Variants in TTC28 observed in about 807,000 individuals in gnomAD.
TTC28 encodes the protein tetratricopeptide repeat domain 28, also known as tetratricopeptide repeat protein 28.
TTC28 carries 61 observed loss-of-function variants against 198.0 expected under a neutral mutation model. That is an observed-to-expected ratio of 0.31 (90% confidence interval 0.25 to 0.38). The LOEUF is 0.38. Among genes scored for constraint, TTC28 ranks in the 10% least tolerant of loss-of-function variants. The pLI is 1.00. For missense variants in TTC28, 2,678 were observed against 3,164.0 expected (o/e 0.85, Z 3.69); for synonymous variants, 1,171 against 1,297.8 (o/e 0.90, Z 2.10).
At chr22:28,671,927 C>T (rs139080074) in intron 1 of TTC28, among the ~76,000 whole-genome samples, 20 of 152,018 alleles carry the variant, frequency 1.3e-4, no homozygotes, top group African/African-American at 4.6e-4. Flanking sequence ...CTGCCCACCT[C>T]GGCCTCCCAA....
chr22:28,031,956 T>C (rs1341407712), intron 12 of TTC28, among the ~76,000 whole-genome samples: 1 of 151,766 alleles, frequency 6.6e-6, no homozygotes, highest in Non-Finnish European at 1.5e-5. Context: ...GTCACCAACC[T>C]AAGGCATCAA....
In TTC28 at chr22:27,982,461, A is replaced by AT; in HGVS notation, c.7205dup (p.Asn2402LysfsTer2). 6.4e-7 allele frequency: 1 copy of AT among 1,551,172 alleles called. No homozygotes were observed. The highest frequency in any genetic ancestry group is 2.4e-5 in the East Asian group (1 of 40,878). ...GCTTATCCACTCCCTCCTCCTTCTT[A>AT]TTGTGCCGTGGTGACAAATTCAACA... On this transcript the variant is annotated frameshift_variant, in exon 23 of 23. Transcript: ENST00000397906. LOFTEE classifies it low-confidence loss of function (END_TRUNC). The surrounding 1 kb of genome is among the most constrained non-coding windows in gnomAD (Gnocchi z 5.2).
chr22:28,233,712 T>C (rs1354399866), intron 5 of TTC28, among the ~76,000 whole-genome samples: 1 of 152,090 alleles, frequency 6.6e-6, no homozygotes, highest in Non-Finnish European at 1.5e-5. Context: ...TAAATGACAA[T>C]GGAAGAATTT....
chr22:28,137,052 G>C (rs1943215846), intron 6 of TTC28, among the ~76,000 whole-genome samples: 1 of 152,210 alleles, frequency 6.6e-6, no homozygotes. Context: ...CTCTTAACCA[G>C]TATTCTCATG....
chr22:28,300,397 T>C (rs1421028984), intron 3 of TTC28, among the ~76,000 whole-genome samples: 1 of 152,130 alleles, frequency 6.6e-6, no homozygotes, highest in Admixed American at 6.6e-5. Context: ...TCTAAAATTC[T>C]ACAACAATGG....
intron 2 of TTC28, among the ~76,000 whole-genome samples, chr22:28,559,358 A>G (rs977031237): frequency 3.9e-5 from 6 of 152,214 alleles, no homozygotes; most frequent in African/African-American, 1.2e-4. Context: ...CTCCAGCCAC[A>G]GTAACTTCAG....
At chr22:28,621,120 A>G (rs1180348514) in intron 2 of TTC28, among the ~76,000 whole-genome samples, 1 of 152,334 alleles carries the variant, frequency 6.6e-6, no homozygotes, top group East Asian at 1.9e-4. Context: ...TGTCTTCAAC[A>G]TTATTGAGCT....
At chr22:27,998,480 G>A (rs1937590354) in intron 16 of TTC28, 60 bp downstream of exon 16, 1 of 1,494,854 alleles carries the variant, frequency 6.7e-7, no homozygotes, top group East Asian at 2.5e-5. Context: ...ATAAAGTCGG[G>A]GGGCTGTGAG....
intron 2 of TTC28, among the ~76,000 whole-genome samples, chr22:28,514,041 T>C (rs992870504): frequency 2.6e-5 from 4 of 152,142 alleles, no homozygotes; most frequent in African/African-American, 9.6e-5. Flanking sequence ...AAAATACCAT[T>C]TGATTTTTAG....
chr22:28,277,596 A>C (rs2044495269), intron 5 of TTC28, among the ~76,000 whole-genome samples: 1 of 152,206 alleles, frequency 6.6e-6, no homozygotes, highest in African/African-American at 2.4e-5. Context: ...TCTTTCTAAA[A>C]ACTGGACACA....
intron 2 of TTC28, among the ~76,000 whole-genome samples, chr22:28,428,870 G>C (rs2047393114): frequency 6.6e-6 from 1 of 152,118 alleles, no homozygotes; most frequent in South Asian, 2.1e-4. Flanking sequence ...TCGATCTCCT[G>C]ACCTCGTGAT....
chr22:28,487,070 T>C (rs1217898564), intron 2 of TTC28, among the ~76,000 whole-genome samples: 2 of 152,178 alleles, frequency 1.3e-5, no homozygotes, highest in Non-Finnish European at 2.9e-5. Flanking sequence ...TATGTACTTT[T>C]ACCACAGAGG....
At chr22:28,527,610 T>C (rs1001805196) in intron 2 of TTC28, among the ~76,000 whole-genome samples, 1 of 152,216 alleles carries the variant, frequency 6.6e-6, no homozygotes, top group African/African-American at 2.4e-5. Flanking sequence ...AGAGTTCTCT[T>C]AAATGTTACA....
intron 1 of TTC28, among the ~76,000 whole-genome samples, chr22:28,651,601 A>C (rs2051565243): frequency 6.6e-6 from 1 of 150,558 alleles, no homozygotes; most frequent in Non-Finnish European, 1.5e-5. Context: ...TTTTTTGTAG[A>C]TATAGTCACT....
chr22:28,395,456 A>G (rs556602078), intron 2 of TTC28, among the ~76,000 whole-genome samples: 112 of 152,042 alleles, frequency 7.4e-4, no homozygotes, highest in Non-Finnish European at 1.4e-3. Flanking sequence ...ACGCGGTAAA[A>G]CCCCAACTCT....
chr22:28,548,586 T>C (rs533400764), intron 2 of TTC28, among the ~76,000 whole-genome samples: 31 of 152,170 alleles, frequency 2.0e-4, no homozygotes, highest in Non-Finnish European at 4.6e-4. Flanking sequence ...TGTCAAACCA[T>C]CTGAGCAAAT....
rs533353204 is a variant in TTC28, at chr22:28,527,501, T to A, written c.381+102051A>T. Among the ~76,000 whole-genome samples the A allele has an allele frequency of 2.0e-5, 3 of 152,306 alleles. No homozygotes were observed. The South Asian group carries it at 6.2e-4, about 32-fold the overall frequency. On this transcript the variant is annotated intron_variant, in intron 2 of 22. Coordinates refer to ENST00000397906, the MANE Select transcript of TTC28 (RefSeq NM_001145418.2). ...ATGCAAACCAGAAACTTCTCTGCCA[T>A]CAAATGGGCTACAACTACATCTTCT... is the stretch of plus-strand genomic sequence containing the variant.
intron 2 of TTC28, among the ~76,000 whole-genome samples, chr22:28,353,023 AAAT>A (rs1378658467): frequency 1.3e-5 from 2 of 152,156 alleles, no homozygotes; most frequent in African/African-American, 4.8e-5. Flanking sequence ...CAGGCAGTCC[AAAT>A]AATACACAGC....
chr22:28,081,553 C>T (rs1001247904), intron 12 of TTC28, among the ~76,000 whole-genome samples: 7 of 149,476 alleles, frequency 4.7e-5, no homozygotes, highest in East Asian at 3.9e-4. Context: ...AGTGCAGTGA[C>T]GCGATCTTGG....
Sources: allele counts gnomAD v4.1 joint callset (sites outside exome capture counted in the v4.1 genomes callset), GRCh38; gene constraint gnomAD v4.1.1; non-coding constraint Gnocchi (gnomAD v3.1); transcripts MANE v1.5; gene names NCBI Gene and HGNC (gene_info 2026-07-23, HGNC 2026-07-21).